SOX5: variants seen among roughly 807,000 people sequenced by gnomAD.
SOX5 encodes SRY-box transcription factor 5, also known as transcription factor SOX-5.
A neutral mutation model predicts 92.0 loss-of-function variants in SOX5; 9 were observed. The observed-to-expected ratio is 0.10, with a 90% CI of 0.06 to 0.17. The LOEUF (loss-of-function observed/expected upper bound fraction) is 0.17, where lower values mean the gene tolerates loss of function less well. Among genes scored for constraint, SOX5 ranks in the 10% least tolerant of loss-of-function variants. The pLI, the probability that SOX5 is intolerant of heterozygous loss-of-function variation, is 1.00. For missense variants in SOX5, 642 were observed against 944.5 expected (o/e 0.68, Z 4.20); for synonymous variants, 344 against 336.3 (o/e 1.02, Z -0.25).
intron 4 of SOX5, among the ~76,000 whole-genome samples, chr12:24,078,949 T>A (rs1942991455): frequency 6.6e-6 from 1 of 152,122 alleles, no homozygotes; most frequent in East Asian, 1.9e-4. Context: ...TGACTTAGTG[T>A]CTTTCATCAA....
chr12:23,564,490 G>C (rs1488612082), intron 10 of SOX5, among the ~76,000 whole-genome samples: 1 of 152,168 alleles, frequency 6.6e-6, no homozygotes, highest in African/African-American at 2.4e-5. Flanking sequence ...GGTGAATTGT[G>C]ACAGATGGAG....
At chr12:23,902,683 G>T (rs528215180) in intron 1 of SOX5, among the ~76,000 whole-genome samples, 5 of 152,184 alleles carry the variant, frequency 3.3e-5, no homozygotes, top group Admixed American at 2.0e-4. Flanking sequence ...ATCATGTAGC[G>T]TGTCTTTCAT....
chr12:24,099,018 T>A (rs1945760600), intron 4 of SOX5, among the ~76,000 whole-genome samples: 1 of 152,188 alleles, frequency 6.6e-6, no homozygotes, highest in Admixed American at 6.6e-5. Flanking sequence ...TGAGAACTTC[T>A]AAAATTTTTG....
At chr12:24,419,040 G>GT (rs1555282805) in intron 1 of SOX5, among the ~76,000 whole-genome samples, 1 of 152,048 alleles carries the variant, frequency 6.6e-6, no homozygotes, top group Non-Finnish European at 1.5e-5. Flanking sequence ...AATGTTGTGT[G>GT]TTTTTTTCTT....
chr12:24,480,476 C>T (rs765225889), intron 1 of SOX5, among the ~76,000 whole-genome samples: 2 of 152,216 alleles, frequency 1.3e-5, no homozygotes, highest in Non-Finnish European at 2.9e-5. Flanking sequence ...AGACAACCCA[C>T]GGCCTGGGAG....
chr12:23,678,471 C>A lies in SOX5; in HGVS notation c.811-12907G>T, dbSNP rs1366055012. The stretch of plus-strand genomic sequence containing the variant: ...ATTAGAAATAATTTTTCTTTGTCAT[C>A]AAAATTGTGGCAATTCTAATTTTAT... On this transcript the variant is annotated intron_variant, in intron 6 of 14. Transcript: ENST00000451604. 3.3e-5 allele frequency among the ~76,000 whole-genome samples: 5 copies of A among 152,140 alleles called. No individual in the cohort carries two copies. The East Asian group carries it at 9.7e-4, about 29-fold the overall frequency.
At chr12:24,310,362 C>A (rs1013064547) in intron 2 of SOX5, among the ~76,000 whole-genome samples, 2 of 152,108 alleles carry the variant, frequency 1.3e-5, no homozygotes, top group African/African-American at 2.4e-5. Flanking sequence ...TGCTCCTAAA[C>A]CATGTCATTA....
intron 3 of SOX5, among the ~76,000 whole-genome samples, chr12:24,226,534 G>A (rs563221241): frequency 4.4e-4 from 67 of 152,086 alleles, no homozygotes; most frequent in Non-Finnish European, 8.4e-4. Context: ...GCAACGGCAC[G>A]ATCTCGGCTT....
In SOX5 at chr12:23,846,081, G is replaced by T; in HGVS notation, c.383C>A (p.Ala128Asp). ...CTTGCGCCGTTCAGGAGTTCCCAGGGCTGTACTAGACAAGGACTCGCCACT... is the reference window on the plus strand; with the variant it reads ...CTTGCGCCGTTCAGGAGTTCCCAGGTCTGTACTAGACAAGGACTCGCCACT... ...RQSGESLSST[A>D]LGTPERRKGS... Residue 128 changes from alanine to aspartate, a missense_variant, in exon 3 of 15, where the codon GCC (alanine) becomes GAC (aspartate). Coordinates refer to ENST00000451604, the MANE Select transcript of SOX5 (RefSeq NM_006940.6). 6.2e-7 allele frequency: 1 copy of T among 1,614,072 alleles called. No homozygotes were observed. Among genetic ancestry groups the T allele is most frequent in the Admixed American group, 1.7e-5 (1 of 60,012 alleles).
chr12:24,410,569 G>GT (rs1390855838), intron 1 of SOX5, among the ~76,000 whole-genome samples: 4 of 152,230 alleles, frequency 2.6e-5, no homozygotes, highest in Admixed American at 1.3e-4. Flanking sequence ...TGAAAAGGCT[G>GT]TTTTTTTCTG....
rs570333749 is a variant in SOX5 at position 23,558,246 on chromosome 12, T to TA, written c.1488+5011dup. ...CAGGATTAGCTCTCTAATTTAGTGG[T>TA]AAAAAATAATTCATGATCAATTTAA... On this transcript the variant is annotated intron_variant, in intron 11 of 14. Transcript: ENST00000451604. 6.9e-3 allele frequency among the ~76,000 whole-genome samples: 1,053 copies of TA among 152,280 alleles called. 6 individuals carry two copies. Among genetic ancestry groups the TA allele is most frequent in the Non-Finnish European group, 0.012 (823 of 68,022 alleles).
chr12:24,108,310 C>A (rs1469654220), intron 4 of SOX5, among the ~76,000 whole-genome samples: 1 of 151,212 alleles, frequency 6.6e-6, no homozygotes, highest in African/African-American at 2.4e-5. Flanking sequence ...TATAGTTTTT[C>A]CATCCTTTTT....
At chr12:23,984,449 C>T (rs564611271) in intron 4 of SOX5, among the ~76,000 whole-genome samples, 17 of 152,268 alleles carry the variant, frequency 1.1e-4, no homozygotes, top group African/African-American at 3.8e-4. Context: ...GGGGTAGAAG[C>T]ATTGGTTGGT....
At chr12:23,811,556 A>G (rs2095875136) in intron 3 of SOX5, among the ~76,000 whole-genome samples, 2 of 152,298 alleles carry the variant, frequency 1.3e-5, no homozygotes, top group Admixed American at 1.3e-4. Context: ...ATTTACAGCC[A>G]AAATAAAGAG....
At chr12:24,295,973 AG>A (rs968748108) in intron 2 of SOX5, among the ~76,000 whole-genome samples, 1 of 152,214 alleles carries the variant, frequency 6.6e-6, no homozygotes, top group African/African-American at 2.4e-5. Flanking sequence ...TCTTTGCTAA[AG>A]AACATTAAGT....
chr12:24,500,304 C>T (rs1037898703), intron 1 of SOX5, among the ~76,000 whole-genome samples: 4 of 152,046 alleles, frequency 2.6e-5, no homozygotes, highest in South Asian at 2.1e-4. Flanking sequence ...GTTTATTTCT[C>T]AATCAGGCAG....
intron 9 of SOX5, among the ~76,000 whole-genome samples, chr12:23,602,502 A>G (rs2074640235): frequency 6.6e-6 from 1 of 152,164 alleles, no homozygotes; most frequent in Non-Finnish European, 1.5e-5. Flanking sequence ...TTGTATAAGT[A>G]ATCTGGTGAG....
intron 4 of SOX5, among the ~76,000 whole-genome samples, chr12:24,008,040 C>A (rs1432635076): frequency 2.0e-5 from 3 of 151,702 alleles, no homozygotes; most frequent in African/African-American, 7.3e-5. Flanking sequence ...ACTCAATAAA[C>A]CAGAAACGTC....
intron 2 of SOX5, among the ~76,000 whole-genome samples, chr12:23,876,426 G>T (rs963970114): frequency 6.6e-6 from 1 of 152,206 alleles, no homozygotes; most frequent in African/African-American, 2.4e-5. Context: ...ACCACAATGA[G>T]ATACCACCTC....
Sources: gnomAD v4.1 joint callset for allele counts (sites outside exome capture counted in the v4.1 genomes callset) on GRCh38, gnomAD v4.1.1 for gene constraint, MANE v1.5 for transcripts, NCBI Gene and HGNC (gene_info 2026-07-23, HGNC 2026-07-21) for gene names.